ABLIM2: variants seen among roughly 807,000 people sequenced by gnomAD.
ABLIM2 encodes the protein actin binding LIM protein family member 2.
ABLIM2 carries 53 observed loss-of-function variants against 97.7 expected under a neutral mutation model. The observed-to-expected ratio is 0.54, with a 90% CI of 0.44 to 0.68. ABLIM2 has a LOEUF of 0.68. Ranked by LOEUF, ABLIM2 falls within the 30% of genes least tolerant of loss-of-function variation. The probability of loss-of-function intolerance (pLI) is 0.00; values close to 1 mark genes in which losing one functional copy is unlikely to be tolerated. For missense variants in ABLIM2, 835 were observed against 867.2 expected, an observed-to-expected ratio of 0.96 and a Z score of 0.47; for synonymous variants, 361 against 345.8, an observed-to-expected ratio of 1.04 and a Z score of -0.49.
chr4:8,008,629 T>G (rs1010671710), intron 15 of ABLIM2, among the ~76,000 whole-genome samples: 9 of 152,254 alleles, frequency 5.9e-5, no homozygotes, highest in African/African-American at 2.2e-4. Flanking sequence ...AGATGCCTGT[T>G]CGTGCCCTGG....
At chr4:8,065,954 G>A (rs1169095308) in intron 6 of ABLIM2, among the ~76,000 whole-genome samples, 1 of 142,830 alleles carries the variant, frequency 7.0e-6, no homozygotes, top group Non-Finnish European at 1.5e-5. Context: ...GGGAATGGAA[G>A]GGAAGGAAAG....
intron 1 of ABLIM2, among the ~76,000 whole-genome samples, chr4:8,121,538 C>A (rs143221647): frequency 5.3e-5 from 8 of 152,314 alleles, no homozygotes; most frequent in African/African-American, 1.2e-4. Flanking sequence ...TGCCACCCCC[C>A]ACACAGAGGC....
chr4:7,966,252 G>A lies in ABLIM2; in HGVS notation c.*738C>T, dbSNP rs1406007791. The A allele has an allele frequency of 3.3e-5, 5 of 152,536 alleles. No individual in the cohort carries two copies. Among genetic ancestry groups the A allele is most frequent in the Admixed American group, 6.6e-5 (1 of 15,262 alleles). The allele number at this position is 152,536 out of a possible 1,614,324, so 9.4% of individuals were successfully genotyped here. ...GAGGCCGCTCCCCTGCGGAGGGACC[G>A]TAAAATTAAACTCTATATATGTCAT... On this transcript the variant is annotated 3_prime_UTR_variant, in exon 21 of 21. Coordinates refer to ENST00000447017, the MANE Select transcript of ABLIM2 (RefSeq NM_001130083.2).
intron 3 of ABLIM2, among the ~76,000 whole-genome samples, chr4:8,096,431 G>A (rs1245460351): frequency 6.6e-6 from 1 of 152,146 alleles, no homozygotes; most frequent in Non-Finnish European, 1.5e-5. Context: ...GGAGAGAGAG[G>A]TCTGACTCAG....
At chr4:8,133,921 T>G (rs1849793800) in intron 1 of ABLIM2, among the ~76,000 whole-genome samples, 1 of 151,938 alleles carries the variant, frequency 6.6e-6, no homozygotes. Flanking sequence ...GGAGCACCTG[T>G]CAGGCACCAG....
intron 20 of ABLIM2, among the ~76,000 whole-genome samples, chr4:7,981,237 C>T (rs146918744): frequency 6.6e-6 from 1 of 152,174 alleles, no homozygotes; most frequent in African/African-American, 2.4e-5. Flanking sequence ...GCCACCACGC[C>T]CAGTGCAAAC....
chr4:8,144,081 C>T (rs544678899), intron 1 of ABLIM2, among the ~76,000 whole-genome samples: 1 of 152,306 alleles, frequency 6.6e-6, no homozygotes, highest in African/African-American at 2.4e-5. Flanking sequence ...CCTGATGGTC[C>T]TCTTCCTCCC....
intron 11 of ABLIM2, 39 bp from the exon 12 acceptor site, chr4:8,027,896 C>T: frequency 1.4e-6 from 2 of 1,451,046 alleles, no homozygotes; most frequent in Non-Finnish European, 1.9e-6. Context: ...TCAACCTGGG[C>T]TGGCTGGTGC....
intron 6 of ABLIM2, among the ~76,000 whole-genome samples, chr4:8,066,282 G>A (rs577473321): frequency 3.7e-4 from 54 of 147,372 alleles, no homozygotes; most frequent in African/African-American, 1.3e-3. Context: ...CTCCAGCCTG[G>A]GCAACAGAGA....
intron 10 of ABLIM2, among the ~76,000 whole-genome samples, chr4:8,031,868 T>C (rs2151279881): frequency 6.6e-6 from 1 of 151,668 alleles, no homozygotes; most frequent in South Asian, 2.1e-4. Context: ...GGATTACAGG[T>C]GTGTGTCACC....
intron 18 of ABLIM2, 116 bp from the exon 19 acceptor site, chr4:7,983,670 G>T: frequency 1.6e-6 from 2 of 1,254,360 alleles, no homozygotes; most frequent in Non-Finnish European, 2.3e-6. Context: ...AGTCACCTGG[G>T]CCATGCATGG....
chr4:8,054,325 G>A lies in ABLIM2; in HGVS notation c.764-79C>T. ...GGGCCTGTGTGGAAACGCAGAGGAG[G>A]GAGCTGGTCCATGCACAGACGTGCA... On this transcript the variant is annotated intron_variant, in intron 7 of 20. Coordinates refer to ENST00000447017, the MANE Select transcript of ABLIM2 (RefSeq NM_001130083.2). The surrounding 1 kb of genome is among the most constrained non-coding windows in gnomAD (Gnocchi z 4.9). 6.7e-7 allele frequency: 1 copy of A among 1,490,504 alleles called. No homozygotes were observed. Among genetic ancestry groups the A allele is most frequent in the East Asian group, 2.3e-5 (1 of 43,836 alleles). The allele number at this position is 1,490,504 out of a possible 1,614,324, so 92.3% of individuals were successfully genotyped here.
intron 1 of ABLIM2, among the ~76,000 whole-genome samples, chr4:8,121,802 G>A (rs1845593518): frequency 6.6e-6 from 1 of 152,198 alleles, no homozygotes; most frequent in Non-Finnish European, 1.5e-5. Context: ...AGTGGATGGG[G>A]GGGTGATGAT....
At position 7,998,691 on chromosome 4, in the gene ABLIM2, G is replaced by A; in HGVS notation, c.1619-5764C>T. 1 of 506,638 alleles carries A rather than the reference G, an allele frequency of 2.0e-6. No homozygotes were observed. The highest frequency in any genetic ancestry group is 3.9e-6 in the Non-Finnish European group (1 of 254,370). 31.4% of individuals were successfully genotyped at this position (506,638 alleles called of 1,614,324 possible). A position where few individuals can be genotyped will look rare whatever the true frequency, so the allele number is the denominator to read the frequency against. The stretch of plus-strand genomic sequence containing the variant: ...CCACCACATGGGAGGCTGGGAGTCT[G>A]CAGGTCTGGGCCACCTCCTGCCACT... On this transcript the variant is annotated intron_variant, in intron 16 of 20. Coordinates refer to ENST00000447017, the MANE Select transcript of ABLIM2 (RefSeq NM_001130083.2). The surrounding 1 kb of genome is among the most constrained non-coding windows in gnomAD (Gnocchi z 6.4).
Position 8,075,279 on chromosome 4 carries a change from G to A in ABLIM2, c.675+2349C>T, listed in dbSNP as rs772097605. ...AGTAGAAAGTAGAATGGTGGTTGCC[G>A]AGGGCTTGCGGGTACGGGGAGTGAC... On this transcript the variant is annotated intron_variant, in intron 6 of 20. Coordinates refer to ENST00000447017, the MANE Select transcript of ABLIM2 (RefSeq NM_001130083.2). This position sits in a 1 kb window ranked among gnomAD's most constrained non-coding sequence, Gnocchi z 4.4. 1.3e-5 allele frequency among the ~76,000 whole-genome samples: 2 copies of A among 152,100 alleles called. No homozygotes were observed. The highest frequency in any genetic ancestry group is 2.9e-5 in the Non-Finnish European group (2 of 68,034).
chr4:8,098,095 A>G (rs1441068944), intron 2 of ABLIM2, among the ~76,000 whole-genome samples: 1 of 152,044 alleles, frequency 6.6e-6, no homozygotes, highest in Non-Finnish European at 1.5e-5. Flanking sequence ...TTCCTCCCAC[A>G]AGCTTCCCCT....
At chr4:8,153,891 G>A (rs1714045926) in intron 1 of ABLIM2, among the ~76,000 whole-genome samples, 1 of 151,170 alleles carries the variant, frequency 6.6e-6, no homozygotes, top group South Asian at 2.1e-4. Context: ...CTCCCTCACT[G>A]TTTCTGTAGA....
intron 20 of ABLIM2, among the ~76,000 whole-genome samples, chr4:7,979,616 G>A (rs199628396): frequency 1.3e-4 from 20 of 152,150 alleles, no homozygotes; most frequent in East Asian, 5.8e-4. Flanking sequence ...TTTGTAAAAC[G>A]TTGTAAATGA....
chr4:7,983,488 T>G, intron 19 of ABLIM2, 59 bp downstream of exon 19: 1 of 1,607,940 alleles, frequency 6.2e-7, no homozygotes, highest in Non-Finnish European at 8.5e-7. Context: ...CAGAAAGGAC[T>G]TTTAACCTGG....
Sources: gnomAD v4.1 joint callset for allele counts (sites outside exome capture counted in the v4.1 genomes callset) on GRCh38, gnomAD v4.1.1 for gene constraint, Gnocchi (gnomAD v3.1) non-coding constraint, MANE v1.5 for transcripts, NCBI Gene and HGNC (gene_info 2026-07-23, HGNC 2026-07-21) for gene names.